The following CREB3L4 variants were observed in gnomAD, a reference collection of about 807,000 sequenced individuals.
CREB3L4 encodes the protein cAMP responsive element binding protein 3 like 4, also known as cyclic AMP-responsive element-binding protein 3-like protein 4.
Under a neutral mutation model 37.0 loss-of-function variants are expected in CREB3L4, and 28 were observed. That is an observed-to-expected ratio of 0.76 (90% CI 0.56 to 1.04). The LOEUF is 1.04. Ranked by LOEUF, CREB3L4 falls within the 50% of genes least tolerant of loss-of-function variation. The pLI, the probability that CREB3L4 is intolerant of heterozygous loss-of-function variation, is 0.00. For missense variants in CREB3L4, 462 were observed against 486.0 expected (o/e 0.95, Z 0.46); for synonymous variants, 175 against 192.2 (o/e 0.91, Z 0.74).
intron 4 of CREB3L4, among the ~76,000 whole-genome samples, chr1:153,969,963 C>T (rs187281618): frequency 6.9e-6 from 1 of 143,892 alleles, no homozygotes; most frequent in Non-Finnish European, 1.5e-5. Flanking sequence ...GAGTCTCACT[C>T]TGTCACCCAG....
chr1:153,969,090 T>G lies in CREB3L4; in HGVS notation c.335T>G (p.Leu112Arg). 6.2e-7 allele frequency: 1 copy of G among 1,614,100 alleles called. No homozygotes were observed. Among genetic ancestry groups the G allele is most frequent in the East Asian group, 2.2e-5 (1 of 44,876 alleles). The change falls in exon 3 of 10, where the codon CTC becomes CGC. Residue 112 changes from leucine (L) to arginine (R), a missense_variant. Coordinates refer to ENST00000368607, the MANE Select transcript of CREB3L4 (RefSeq NM_001255978.2). The part of the protein sequence containing the change: ...PAPRATSSPM[L>R]YEVVYEAGAL... ...CCCAGGGCAACCAGTTCTCCTATGC[T>G]CTATGAGGTTGTCTATGAGGCAGGG...
chr1:153,973,413 G>A lies in CREB3L4; in HGVS notation c.846G>A (p.Thr282=), dbSNP rs753666075. ...SLVAQLRQLQ[T]LIAQTSNKAA... ...TAGCTCAGCTCCGCCAGCTGCAGAC[G>A]CTAATTGCTCAAACTTCCAACAAAG... The change falls in exon 8 of 10, where the codon ACG becomes ACA. Residue 282 remains threonine, a synonymous_variant. Coordinates refer to ENST00000368607, the MANE Select transcript of CREB3L4 (RefSeq NM_001255978.2). 18 of 1,614,050 alleles carry A rather than the reference G, an allele frequency of 1.1e-5. No individual in the cohort carries two copies. The highest frequency in any genetic ancestry group is 3.3e-4 in the Middle Eastern group (2 of 6,062).
In CREB3L4 at chr1:153,969,339, T is replaced by C; in HGVS notation, c.427T>C (p.Trp143Arg). 1 of 1,614,190 alleles carries C rather than the reference T, an allele frequency of 6.2e-7. No homozygotes were observed. The highest frequency in any genetic ancestry group is 2.2e-5 in the East Asian group (1 of 44,890). ...VGLISIQLDQ[W>R]SPAFMVPDSC... ...CTACCTGTTTTCTACTCCAGATCAG[T>C]GGAGCCCAGCATTTATGGTGCCTGA... The change falls in exon 4 of 10, where the codon TGG becomes CGG. Residue 143 changes from tryptophan to arginine, a missense_variant. Transcript: ENST00000368607.
At position 153,972,219 on chromosome 1, in the gene CREB3L4, G is replaced by A. The variant is rs192226041; in HGVS notation, c.544-525G>A. On this transcript the variant is annotated intron_variant, in intron 4 of 9. Transcript: ENST00000368607. ...GCTGTGAGACGTATGGCTGCCTTTGGGAAGCTCCTTGTATGAGAGGGGACA... is the reference window on the plus strand; with the variant it reads ...GCTGTGAGACGTATGGCTGCCTTTGAGAAGCTCCTTGTATGAGAGGGGACA... Among the ~76,000 whole-genome samples the A allele has an allele frequency of 1.1e-3, 171 of 152,272 alleles. 1 individual carries two copies. The highest frequency in any genetic ancestry group is 3.5e-3 in the African/African-American group (145 of 41,536).
intron 4 of CREB3L4, among the ~76,000 whole-genome samples, chr1:153,972,219 G>C (rs192226041): frequency 6.6e-6 from 1 of 152,156 alleles, no homozygotes; most frequent in South Asian, 2.1e-4. Flanking sequence ...GCTGCCTTTG[G>C]GAAGCTCCTT....
At chr1:153,970,848 G>A (rs183438288) in intron 4 of CREB3L4, among the ~76,000 whole-genome samples, 6 of 146,940 alleles carry the variant, frequency 4.1e-5, no homozygotes, top group East Asian at 4.2e-4. Context: ...AGGTTCAAGC[G>A]ATTCTCCTTC....
Position 153,969,098 on chromosome 1 carries a change from G to A in CREB3L4, c.343G>A (p.Val115Ile). 6.2e-7 allele frequency: 1 copy of A among 1,614,206 alleles called. No homozygotes were observed. Among genetic ancestry groups the A allele is most frequent in the East Asian group, 2.2e-5 (1 of 44,886 alleles). The change falls in exon 3 of 10, where the codon GTT becomes ATT. Residue 115 changes from valine (V) to isoleucine (I), a missense_variant. Transcript: ENST00000368607. ...RATSSPMLYE[V>I]VYEAGALERM... ...AACCAGTTCTCCTATGCTCTATGAG[G>A]TTGTCTATGAGGCAGGGGCCCTGGA...
intron 6 of CREB3L4, 52 bp from the exon 7 acceptor site, chr1:153,973,143 C>T: frequency 6.2e-7 from 1 of 1,608,174 alleles, no homozygotes; most frequent in Non-Finnish European, 8.5e-7. Flanking sequence ...CCATGGGAGG[C>T]AAGGTAAGGG....
In CREB3L4 at chr1:153,973,715, A is replaced by T. The variant is rs757798554; in HGVS notation, c.993A>T (p.Gly331=). 12 of 1,597,342 alleles carry T rather than the reference A, an allele frequency of 7.5e-6. No individual in the cohort carries two copies. Among genetic ancestry groups the T allele is most frequent in the Non-Finnish European group, 8.5e-6 (10 of 1,170,436 alleles). ...EAGSEDYQPH[G]VTSRNILTHK... ...GGTCTGAGGATTACCAGCCTCACGG[A>T]GGTGAGAGGCAAGGGCAGGGAGCAA... is the stretch of plus-strand genomic sequence containing the variant. Residue 331 remains glycine (G), a splice_region_variant and synonymous_variant, in exon 9 of 10, where the codon GGA becomes GGT. Transcript: ENST00000368607.
At chr1:153,973,589 C>G (rs201947451) in intron 8 of CREB3L4, 31 bp from the exon 9 acceptor site, 1 of 1,594,650 alleles carries the variant, frequency 6.3e-7, no homozygotes, top group African/African-American at 1.3e-5. Flanking sequence ...ACCCCCTGCT[C>G]CCTTCATCTG....
intron 9 of CREB3L4, 63 bp downstream of exon 9, chr1:153,973,779 GGTC>G (rs1168281235): frequency 6.4e-7 from 1 of 1,558,442 alleles, no homozygotes; most frequent in East Asian, 2.3e-5. Flanking sequence ...TGTTCTCCAA[GGTC>G]GTCAAGAAGC....
At chr1:153,973,545 C>T (rs1648613854) in intron 8 of CREB3L4, 75 bp from the exon 9 acceptor site, 8 of 1,562,352 alleles carry the variant, frequency 5.1e-6, no homozygotes, top group Admixed American at 5.1e-5. Context: ...CTACTTCCCA[C>T]ATCCGATAAC....
Position 153,969,388 on chromosome 1 carries a change from C to G in CREB3L4, c.476C>G (p.Pro159Arg). 1 of 1,614,138 alleles carries G rather than the reference C, an allele frequency of 6.2e-7. No individual in the cohort carries two copies. Among genetic ancestry groups the G allele is most frequent in the Non-Finnish European group, 8.5e-7 (1 of 1,180,004 alleles). ...VPDSCMVSEL[P>R]FDAHAHILPR... ...GATTCCTGCATGGTCAGTGAGCTGC[C>G]CTTTGATGCTCATGCCCACATCCTG... Residue 159 changes from proline to arginine, a missense_variant, in exon 4 of 10, where the codon CCC (proline) becomes CGC (arginine). Pro to Arg is a moderately radical substitution (Grantham distance 103). Transcript: ENST00000368607.
At chr1:153,969,214 G>C in intron 3 of CREB3L4, 38 bp downstream of exon 3, 1 of 1,613,914 alleles carries the variant, frequency 6.2e-7, no homozygotes, top group Non-Finnish European at 8.5e-7. Flanking sequence ...ATGGCCCTTC[G>C]GGACTGGCCC....
upstream of CREB3L4, chr1:153,967,668 G>GA (rs11288257): frequency 2.8e-3 from 418 of 150,600 alleles, 2 homozygotes; most frequent in African/African-American, 8.1e-3. Context: ...TAAGAATAAA[G>GA]AAAAAAAAAA....
chr1:153,969,257 G>T, intron 3 of CREB3L4, 77 bp from the exon 4 acceptor site: 2 of 1,613,950 alleles, frequency 1.2e-6, no homozygotes, highest in South Asian at 2.2e-5. Flanking sequence ...TACCCAACCT[G>T]TGCCACTACC....
chr1:153,969,186 C>T lies in CREB3L4; in HGVS notation c.421+10C>T. 6.2e-7 allele frequency: 1 copy of T among 1,614,038 alleles called. No homozygotes were observed. The highest frequency in any genetic ancestry group is 8.5e-7 in the Non-Finnish European group (1 of 1,180,022). ...ATCTCCATCCAGCTAGGTCAGTGTT[C>T]TTTGTGGGAAGGGGGAAATGGCCCT... On this transcript the variant is annotated intron_variant, in intron 3 of 9. Coordinates refer to ENST00000368607, the MANE Select transcript of CREB3L4 (RefSeq NM_001255978.2).
At chr1:153,968,422 G>A in intron 1 of CREB3L4, 100 bp from the exon 2 acceptor site, 1 of 1,034,584 alleles carries the variant, frequency 9.7e-7, no homozygotes, top group Non-Finnish European at 1.4e-6. Flanking sequence ...GGGGGGCGGG[G>A]ATAATGGAAA....
chr1:153,969,770 C>G, intron 4 of CREB3L4: 1 of 297,918 alleles, frequency 3.4e-6, no homozygotes, highest in Non-Finnish European at 6.5e-6. Flanking sequence ...GCCACCACGT[C>G]TGGCTAATTT....
Sources: gnomAD v4.1 joint callset for allele counts (sites outside exome capture counted in the v4.1 genomes callset) on GRCh38, gnomAD v4.1.1 for gene constraint, MANE v1.5 for transcripts, NCBI Gene and HGNC (gene_info 2026-07-23, HGNC 2026-07-21) for gene names.